The following OXCT1 variants were observed in gnomAD, a reference collection of about 807,000 sequenced individuals.
OXCT1 encodes succinyl-CoA:3-ketoacid coenzyme A transferase 1, mitochondrial.
In OXCT1, 27 loss-of-function variants were observed where a neutral mutation model predicts 69.6. That is an observed-to-expected ratio of 0.39 (90% CI 0.29 to 0.54). OXCT1 has a LOEUF of 0.54. Among genes scored for constraint, OXCT1 ranks in the 20% least tolerant of loss-of-function variants. The pLI, the probability that OXCT1 is intolerant of heterozygous loss-of-function variation, is 0.72. For missense variants in OXCT1, 437 were observed against 650.2 expected (o/e 0.67, Z 3.57); for synonymous variants, 202 against 217.8 (o/e 0.93, Z 0.64).
chr5:41,802,555 A>G (rs550473652), intron 10 of OXCT1, among the ~76,000 whole-genome samples: 4 of 152,220 alleles, frequency 2.6e-5, no homozygotes, highest in Admixed American at 6.5e-5. Flanking sequence ...GAGGCAATCA[A>G]CTCAAACAAT....
intron 13 of OXCT1, among the ~76,000 whole-genome samples, chr5:41,791,671 T>C (rs1367700165): frequency 6.6e-6 from 1 of 152,246 alleles, no homozygotes; most frequent in Non-Finnish European, 1.5e-5. Context: ...CCAGGACCAC[T>C]GAGCAAATTG....
chr5:41,837,615 G>GA, intron 7 of OXCT1, among the ~76,000 whole-genome samples: 2 of 98,130 alleles, frequency 2.0e-5, no homozygotes, highest in South Asian at 6.0e-4. Flanking sequence ...GTCTGGGATA[G>GA]AAAAATAAGC....
At chr5:41,737,183 C>G (rs374291398) in intron 16 of OXCT1, among the ~76,000 whole-genome samples, 4 of 152,288 alleles carry the variant, frequency 2.6e-5, no homozygotes, top group African/African-American at 9.6e-5. Flanking sequence ...CCTTTTCATT[C>G]TCAGGACAAC....
chr5:41,801,238 T>C (rs545713576), intron 10 of OXCT1, among the ~76,000 whole-genome samples, 168 bp from the exon 11 acceptor site: 2 of 152,322 alleles, frequency 1.3e-5, no homozygotes, highest in South Asian at 4.1e-4. Context: ...CTGTTTCTTA[T>C]GTTAGTCTTT....
intron 7 of OXCT1, among the ~76,000 whole-genome samples, chr5:41,817,495 C>T (rs1747306721): frequency 6.6e-6 from 1 of 152,152 alleles, no homozygotes; most frequent in South Asian, 2.1e-4. Context: ...TAGTATCTTT[C>T]TAATTATTCT....
intron 16 of OXCT1, among the ~76,000 whole-genome samples, chr5:41,734,387 T>TTTA (rs1742785977): frequency 1.3e-5 from 2 of 152,322 alleles, no homozygotes; most frequent in East Asian, 3.9e-4. Context: ...AACACCTATT[T>TTTA]TACATAGCTT....
chr5:41,850,201 C>CCCATAAGT, intron 4 of OXCT1, 22 bp from the exon 5 acceptor site: 2 of 1,612,610 alleles, frequency 1.2e-6, no homozygotes, highest in Non-Finnish European at 1.7e-6. Flanking sequence ...CAACCAACAC[C>CCCATAAGT]CCATAAGTTC....
At chr5:41,757,894 G>C (rs1358811838) in intron 14 of OXCT1, among the ~76,000 whole-genome samples, 1 of 152,094 alleles carries the variant, frequency 6.6e-6, no homozygotes, top group Non-Finnish European at 1.5e-5. Context: ...AGGCAGATGG[G>C]CTAAGTAGAA....
chr5:41,818,491 C>CA (rs1179417944), intron 7 of OXCT1, among the ~76,000 whole-genome samples: 1 of 151,998 alleles, frequency 6.6e-6, no homozygotes, highest in Non-Finnish European at 1.5e-5. Flanking sequence ...GCTAACTGAA[C>CA]AAAAAAGGAA....
intron 15 of OXCT1, among the ~76,000 whole-genome samples, chr5:41,742,159 T>TA (rs1041013223): frequency 2.0e-5 from 3 of 152,102 alleles, no homozygotes; most frequent in Admixed American, 1.3e-4. Context: ...ACATTGCTTT[T>TA]AAAAAAACCT....
intron 13 of OXCT1, 121 bp downstream of exon 13, chr5:41,793,882 A>G (rs1011601071): frequency 5.7e-6 from 4 of 696,738 alleles, no homozygotes; most frequent in African/African-American, 1.8e-5. Context: ...GATTCTAGTA[A>G]GAAATATATA....
chr5:41,777,812 T>C (rs1745200212), intron 13 of OXCT1, among the ~76,000 whole-genome samples: 1 of 152,214 alleles, frequency 6.6e-6, no homozygotes, highest in African/African-American at 2.4e-5. Flanking sequence ...AACTACATGA[T>C]TGTAAGCAGA....
rs1742534210 is a variant in OXCT1, at chr5:41,730,088, G to A, written c.*1641C>T. 6.6e-6 allele frequency: 1 copy of A among 152,228 alleles called. No individual in the cohort carries two copies. Among genetic ancestry groups the A allele is most frequent in the East Asian group, 1.9e-4 (1 of 5,182 alleles). 9.4% of individuals were successfully genotyped at this position (152,228 alleles called of 1,614,324 possible). ...TCTACATCACTTTAGAATATTTATT[G>A]TATTCCTTAATGCATTTCTTAACAT... is the stretch of plus-strand genomic sequence containing the variant. On this transcript the variant is annotated 3_prime_UTR_variant, in exon 17 of 17. Coordinates refer to ENST00000196371, the MANE Select transcript of OXCT1 (RefSeq NM_000436.4).
intron 14 of OXCT1, among the ~76,000 whole-genome samples, chr5:41,753,292 GACACACACACACACATAGACAC>G (rs1361276944): frequency 7.5e-6 from 1 of 133,288 alleles, no homozygotes; most frequent in Admixed American, 7.8e-5. Context: ...CACACACATA[GACACACACACACACATAGACAC>G]ACACACACAC....
chr5:41,861,232 CTTCAT>C, intron 3 of OXCT1, 77 bp downstream of exon 3: 1 of 962,802 alleles, frequency 1.0e-6, no homozygotes, highest in Non-Finnish European at 1.7e-6. Flanking sequence ...TAGGAGAAAA[CTTCAT>C]TTCATTGATA....
intron 14 of OXCT1, among the ~76,000 whole-genome samples, chr5:41,759,494 A>C (rs1433684326): frequency 6.6e-6 from 1 of 152,136 alleles, no homozygotes; most frequent in African/African-American, 2.4e-5. Flanking sequence ...GTCTAGGCTC[A>C]AATGAAAATC....
At chr5:41,760,967 A>G (rs137879009) in intron 14 of OXCT1, among the ~76,000 whole-genome samples, 1 of 152,270 alleles carries the variant, frequency 6.6e-6, no homozygotes, top group East Asian at 1.9e-4. Flanking sequence ...GTGCTTTAAC[A>G]TAATGCTGCA....
In OXCT1 at chr5:41,762,486, T is replaced by C. The variant is rs1344035186; in HGVS notation, c.1249-286A>G. On this transcript the variant is annotated intron_variant, in intron 13 of 16. Transcript: ENST00000196371. This position sits in a 1 kb window ranked among gnomAD's most constrained non-coding sequence, Gnocchi z 4.0. Reference sequence around the variant, plus strand: ...TGGATTAAAAAAAATTAAAAACCTTTCCAGAATTCTGGGACATTACTATTA... The same window carrying C: ...TGGATTAAAAAAAATTAAAAACCTTCCCAGAATTCTGGGACATTACTATTA... 2.0e-5 allele frequency among the ~76,000 whole-genome samples: 3 copies of C among 152,096 alleles called. No individual in the cohort carries two copies. Among genetic ancestry groups the C allele is most frequent in the Non-Finnish European group, 4.4e-5 (3 of 68,002 alleles).
At chr5:41,750,730 A>G (rs896875271) in intron 14 of OXCT1, among the ~76,000 whole-genome samples, 2 of 152,124 alleles carry the variant, frequency 1.3e-5, no homozygotes, top group Non-Finnish European at 2.9e-5. Context: ...AATTTCAGAT[A>G]GGTGGACTCC....
Sources: allele counts gnomAD v4.1 joint callset (sites outside exome capture counted in the v4.1 genomes callset), GRCh38; gene constraint gnomAD v4.1.1; non-coding constraint Gnocchi (gnomAD v3.1); transcripts MANE v1.5; gene names NCBI Gene and HGNC (gene_info 2026-07-23, HGNC 2026-07-21).